Variants in CNTNAP4 observed in about 807,000 individuals in gnomAD.
CNTNAP4 encodes the protein contactin associated protein family member 4, also known as contactin-associated protein-like 4.
CNTNAP4 carries 98 observed loss-of-function variants against 148.4 expected under a neutral mutation model. That is an observed-to-expected ratio of 0.66 (90% CI 0.56 to 0.78). CNTNAP4 has a LOEUF of 0.78. CNTNAP4 is among the 30% of genes least tolerant of loss of function. The pLI, the probability that CNTNAP4 is intolerant of heterozygous loss-of-function variation, is 0.00. For missense variants in CNTNAP4, 1,935 were observed against 1,565.6 expected, an observed-to-expected ratio of 1.24 and a Z score of -3.98; for synonymous variants, 730 against 565.1, an observed-to-expected ratio of 1.29 and a Z score of -4.14.
chr16:76,284,736 G>C (rs1217269167), intron 1 of CNTNAP4, among the ~76,000 whole-genome samples: 1 of 151,966 alleles, frequency 6.6e-6, no homozygotes, highest in Non-Finnish European at 1.5e-5. Context: ...GTGATTGTCT[G>C]TGTATTGCAA....
At chr16:76,366,051 TTATG>T (rs1388822403) in intron 3 of CNTNAP4, among the ~76,000 whole-genome samples, 1 of 152,176 alleles carries the variant, frequency 6.6e-6, no homozygotes, top group Non-Finnish European at 1.5e-5. Flanking sequence ...TTGTTGTCTT[TTATG>T]TTTTAATTTT....
intron 3 of CNTNAP4, among the ~76,000 whole-genome samples, chr16:76,364,355 T>G (rs574753946): frequency 2.6e-5 from 4 of 152,186 alleles, no homozygotes; most frequent in African/African-American, 9.6e-5. Context: ...TAAATGGATC[T>G]GTTTGTAAGC....
In CNTNAP4 at chr16:76,540,715, A is replaced by G. The variant is rs955115827; in HGVS notation, c.3367A>G (p.Arg1123Gly). ...GVVFIEIDDN[R>G]RRQVHLSSGT... ...AATAATTTTGTAGATTGACGATAAT[A>G]GAAGGAGACAAGTTCACCTGTCATC... The change falls in exon 21 of 24, where the codon AGA (arginine) becomes GGA (glycine). Residue 1123 changes from arginine (R) to glycine (G), a missense_variant. By Grantham distance (125) the Arg-to-Gly change is moderately radical (BLOSUM62 -2). Coordinates refer to ENST00000611870, the MANE Select transcript of CNTNAP4 (RefSeq NM_033401.5). The G allele has an allele frequency of 6.4e-7, 1 of 1,568,540 alleles. No individual in the cohort carries two copies. Among genetic ancestry groups the G allele is most frequent in the Non-Finnish European group, 8.7e-7 (1 of 1,154,396 alleles).
chr16:76,371,753 T>G (rs1430691055), intron 3 of CNTNAP4, among the ~76,000 whole-genome samples: 1 of 152,216 alleles, frequency 6.6e-6, no homozygotes, highest in Non-Finnish European at 1.5e-5. Context: ...AGCTCCAAGC[T>G]CAGGTGTTTA....
At chr16:76,441,502 G>A (rs2080038630) in intron 4 of CNTNAP4, among the ~76,000 whole-genome samples, 1 of 152,064 alleles carries the variant, frequency 6.6e-6, no homozygotes, top group African/African-American at 2.4e-5. Flanking sequence ...TTCTTTCCTC[G>A]ATTCTTGCTG....
chr16:76,338,703 A>G (rs1280848716), intron 2 of CNTNAP4, among the ~76,000 whole-genome samples: 1 of 152,194 alleles, frequency 6.6e-6, no homozygotes, highest in Non-Finnish European at 1.5e-5. Flanking sequence ...GAGATGAAGA[A>G]CAGACCCTGG....
Position 76,527,320 on chromosome 16 carries a change from C to T in CNTNAP4, c.2755+5063C>T, listed in dbSNP as rs577203259. 3.9e-5 allele frequency among the ~76,000 whole-genome samples: 6 copies of T among 152,234 alleles called. No homozygotes were observed. In the East Asian group the frequency reaches 1.2e-3, roughly 29 times the overall value. ...AAATATGTTAGGGTTAAGTCTTGCT[C>T]TATTCTCAGAGCTGGTGACTCCGTG... On this transcript the variant is annotated intron_variant, in intron 17 of 23. Coordinates refer to ENST00000611870, the MANE Select transcript of CNTNAP4 (RefSeq NM_033401.5).
chr16:76,311,853 A>G (rs973644541), intron 1 of CNTNAP4, among the ~76,000 whole-genome samples: 10 of 152,306 alleles, frequency 6.6e-5, no homozygotes, highest in African/African-American at 2.4e-4. Flanking sequence ...TCTGTGGCTC[A>G]GCAGTAAAGG....
At chr16:76,471,030 A>G (rs2081351452) in intron 10 of CNTNAP4, among the ~76,000 whole-genome samples, 1 of 134,690 alleles carries the variant, frequency 7.4e-6, no homozygotes, top group Non-Finnish European at 1.7e-5. Flanking sequence ...ACACTTCTAC[A>G]CTCATAAGTC....
At chr16:76,354,043 A>C (rs1419116397) in intron 2 of CNTNAP4, among the ~76,000 whole-genome samples, 1 of 152,148 alleles carries the variant, frequency 6.6e-6, no homozygotes, top group East Asian at 1.9e-4. Flanking sequence ...AAAATTCCAG[A>C]CCTTATTATC....
At chr16:76,399,460 A>G (rs1465400169) in intron 3 of CNTNAP4, among the ~76,000 whole-genome samples, 2 of 152,182 alleles carry the variant, frequency 1.3e-5, no homozygotes, top group Non-Finnish European at 2.9e-5. Context: ...TTTCTAAAGT[A>G]CTTAGGGAAC....
intron 3 of CNTNAP4, among the ~76,000 whole-genome samples, chr16:76,394,567 C>T (rs2078133555): frequency 6.6e-6 from 1 of 151,886 alleles, no homozygotes; most frequent in East Asian, 1.9e-4. Context: ...AGGCTTTTTT[C>T]CCCCTTCTCC....
intron 3 of CNTNAP4, among the ~76,000 whole-genome samples, chr16:76,376,926 T>TGTGG (rs2015477528): frequency 6.8e-6 from 1 of 147,372 alleles, no homozygotes; most frequent in Non-Finnish European, 1.5e-5. Context: ...TGTGTGTGTG[T>TGTGG]GTGTGTGTGT....
intron 1 of CNTNAP4, among the ~76,000 whole-genome samples, chr16:76,294,116 C>T (rs931646606): frequency 6.6e-6 from 1 of 152,084 alleles, no homozygotes; most frequent in African/African-American, 2.4e-5. Flanking sequence ...ACTCATTCAA[C>T]TTCTGAAACA....
At chr16:76,537,441 T>G (rs1274455829) in intron 18 of CNTNAP4, among the ~76,000 whole-genome samples, 3 of 94,692 alleles carry the variant, frequency 3.2e-5, no homozygotes, top group African/African-American at 9.2e-5. Flanking sequence ...ACATATGTAT[T>G]TGGTGTGTGT....
chr16:76,318,772 C>CATA (rs58531052), intron 2 of CNTNAP4, among the ~76,000 whole-genome samples: 26,126 of 146,696 alleles, frequency 0.18, 3,429 homozygotes, highest in East Asian at 0.38. Flanking sequence ...TAATAATAAT[C>CATA]ATAATCATAA....
chr16:76,380,922 CT>C (rs1215696607), intron 3 of CNTNAP4, among the ~76,000 whole-genome samples: 1 of 152,002 alleles, frequency 6.6e-6, no homozygotes, highest in Non-Finnish European at 1.5e-5. Context: ...CATTTACTTT[CT>C]TTTAAGTTAG....
intron 3 of CNTNAP4, among the ~76,000 whole-genome samples, chr16:76,410,683 A>G (rs144700972): frequency 4.0e-5 from 6 of 151,848 alleles, no homozygotes; most frequent in East Asian, 3.9e-4. Flanking sequence ...GACTTTCTCT[A>G]TAATGAAACT....
intron 1 of CNTNAP4, among the ~76,000 whole-genome samples, chr16:76,303,227 G>A (rs1184173713): frequency 6.6e-6 from 1 of 151,976 alleles, no homozygotes; most frequent in Admixed American, 6.6e-5. Context: ...GTGAGAAATA[G>A]CTATTTATTA....
Sources: gnomAD v4.1 joint callset for allele counts (sites outside exome capture counted in the v4.1 genomes callset) on GRCh38, gnomAD v4.1.1 for gene constraint, MANE v1.5 for transcripts, NCBI Gene and HGNC (gene_info 2026-07-23, HGNC 2026-07-21) for gene names.